NAV3: variants seen among roughly 807,000 people sequenced by gnomAD.
The protein encoded by NAV3 is neuron navigator 3.
Under a neutral mutation model 244.7 loss-of-function variants are expected in NAV3, and 87 were observed. The observed-to-expected ratio is 0.36, with a 90% CI of 0.30 to 0.42. The LOEUF (loss-of-function observed/expected upper bound fraction) is 0.42. NAV3 is among the 20% of genes least tolerant of loss of function. The probability of loss-of-function intolerance (pLI) is 1.00; values close to 1 mark genes in which losing one functional copy is unlikely to be tolerated. For synonymous variants in NAV3, 1,126 were observed against 1,042.2 expected, an observed-to-expected ratio of 1.08 and a Z score of -1.55; for missense variants, 2,663 against 2,893.3, an observed-to-expected ratio of 0.92 and a Z score of 1.83.
intron 12 of NAV3, among the ~76,000 whole-genome samples, chr12:78,095,219 A>C (rs1726005): frequency 0.33 from 49,760 of 151,516 alleles, 8,316 homozygotes; most frequent in African/African-American, 0.39. Context: ...CAGCACAGTG[A>C]ATAAAACCTC....
At chr12:78,098,591 A>G (rs443544) in intron 12 of NAV3, among the ~76,000 whole-genome samples, 29,992 of 151,852 alleles carry the variant, frequency 0.2, 3,085 homozygotes, top group Middle Eastern at 0.25. Context: ...TTTTCTGGGC[A>G]AAAATATTAC....
At chr12:77,784,102 G>T (rs1870795758) in intron 2 of NAV3, among the ~76,000 whole-genome samples, 1 of 152,066 alleles carries the variant, frequency 6.6e-6, no homozygotes, top group Non-Finnish European at 1.5e-5. Context: ...GAGACTTTCT[G>T]AGGAACAAAT....
intron 23 of NAV3, among the ~76,000 whole-genome samples, chr12:78,164,724 G>A (rs1957706697): frequency 6.6e-6 from 1 of 152,028 alleles, no homozygotes. Flanking sequence ...TCAGATGCAT[G>A]GTGGAGTGGG....
chr12:77,732,006 G>A (rs921908487), intron 2 of NAV3, among the ~76,000 whole-genome samples: 1 of 151,674 alleles, frequency 6.6e-6, no homozygotes, highest in East Asian at 1.9e-4. Flanking sequence ...AGAACGAGTC[G>A]GTAGAAAGGA....
At chr12:78,184,486 A>G (rs982001720) in intron 30 of NAV3, among the ~76,000 whole-genome samples, 9 of 151,896 alleles carry the variant, frequency 5.9e-5, no homozygotes, top group African/African-American at 2.2e-4. Flanking sequence ...GCAGGAGATT[A>G]TCTTTGATGA....
rs765945791 is a variant in NAV3, at chr12:78,050,826, A to G, written c.2195A>G (p.Asn732Ser). The change falls in exon 11 of 40, where the codon AAC becomes AGC. Residue 732 changes from asparagine (N) to serine (S), a missense_variant. This residue lies in a region of NAV3 where 1,521 missense variants were observed against 1,497.0 expected (regional missense o/e 1.02). Coordinates refer to ENST00000397909, the MANE Select transcript of NAV3 (RefSeq NM_001024383.2). ...TTEVNGRTIP[N>S]LTSRPTPMTW... is the part of the protein sequence containing the mutation. Reference sequence around the variant, plus strand: ...GAAGTTAATGGAAGGACCATACCCAACTTGACAAGTCGACCCACCCCCATG... The same window carrying G: ...GAAGTTAATGGAAGGACCATACCCAGCTTGACAAGTCGACCCACCCCCATG... The G allele has an allele frequency of 3.7e-6, 6 of 1,613,736 alleles. No homozygotes were observed. Among genetic ancestry groups the G allele is most frequent in the Non-Finnish European group, 4.2e-6 (5 of 1,179,762 alleles).
intron 2 of NAV3, among the ~76,000 whole-genome samples, chr12:77,653,878 G>A (rs1872941843): frequency 6.6e-6 from 1 of 152,018 alleles, no homozygotes; most frequent in African/African-American, 2.4e-5. Flanking sequence ...ATGCATATAT[G>A]TGGGACAAGT....
chr12:77,770,181 G>A (rs146326377), intron 2 of NAV3, among the ~76,000 whole-genome samples: 118 of 152,200 alleles, frequency 7.8e-4, no homozygotes, highest in Non-Finnish European at 1.5e-3. Context: ...AATCCTAGGG[G>A]GAGTTGTTCT....
intron 1 of NAV3, among the ~76,000 whole-genome samples, chr12:77,837,997 C>T (rs1874968851): frequency 6.6e-6 from 1 of 152,200 alleles, no homozygotes; most frequent in Non-Finnish European, 1.5e-5. Flanking sequence ...TGTCAATGCT[C>T]CTGTTGGCTT....
intron 12 of NAV3, among the ~76,000 whole-genome samples, chr12:78,080,069 A>G (rs1953268933): frequency 6.6e-6 from 1 of 152,202 alleles, no homozygotes; most frequent in African/African-American, 2.4e-5. Context: ...CATTTTGTTG[A>G]CAATAAAATC....
At chr12:77,695,820 T>G (rs958138684) in intron 2 of NAV3, among the ~76,000 whole-genome samples, 4 of 152,034 alleles carry the variant, frequency 2.6e-5, no homozygotes, top group Non-Finnish European at 1.5e-5. Context: ...GGAGAACTTT[T>G]AAAAAATCCT....
intron 9 of NAV3, among the ~76,000 whole-genome samples, chr12:78,046,588 C>T (rs1881834924): frequency 6.6e-6 from 1 of 152,202 alleles, no homozygotes; most frequent in Admixed American, 6.5e-5. Flanking sequence ...GCACTCTGGT[C>T]TGAGAGACTA....
chr12:77,739,084 G>T (rs1455097868), intron 2 of NAV3, among the ~76,000 whole-genome samples: 2 of 146,120 alleles, frequency 1.4e-5, no homozygotes, highest in Non-Finnish European at 3.0e-5. Flanking sequence ...CCTGGCTCTA[G>T]CCCTAACTAG....
At chr12:78,088,236 T>C (rs904857178) in intron 12 of NAV3, among the ~76,000 whole-genome samples, 3 of 151,968 alleles carry the variant, frequency 2.0e-5, no homozygotes, top group Non-Finnish European at 4.4e-5. Context: ...TAGTTGATTG[T>C]TCTGAAATGC....
At chr12:77,628,158 T>TC (rs1871721016) in intron 2 of NAV3, among the ~76,000 whole-genome samples, 1 of 152,168 alleles carries the variant, frequency 6.6e-6, no homozygotes, top group Non-Finnish European at 1.5e-5. Flanking sequence ...CTTACAATGT[T>TC]CCCAACACAA....
chr12:77,955,781 G>A lies in NAV3; in HGVS notation c.415-10448G>A, dbSNP rs1177845611. 5.8e-4 allele frequency among the ~76,000 whole-genome samples: 88 copies of A among 152,222 alleles called. 1 individual carries two copies. The highest frequency in any genetic ancestry group is 8.8e-5 in the Non-Finnish European group (6 of 68,012). ...GTTACCCAGGAGGCTGAGGCAGGAG[G>A]ATCGTTTGAGCCCAGGAGGTGGAGG... On this transcript the variant is annotated intron_variant, in intron 3 of 39. Coordinates refer to ENST00000397909, the MANE Select transcript of NAV3 (RefSeq NM_001024383.2).
intron 11 of NAV3, among the ~76,000 whole-genome samples, chr12:78,055,838 A>T (rs1182665252): frequency 6.6e-6 from 1 of 152,154 alleles, no homozygotes; most frequent in African/African-American, 2.4e-5. Context: ...CCAGGAGGAG[A>T]GGGAAATTGG....
intron 3 of NAV3, among the ~76,000 whole-genome samples, chr12:77,962,306 C>T (rs183324963): frequency 7.2e-5 from 11 of 152,254 alleles, no homozygotes; most frequent in Admixed American, 2.6e-4. Flanking sequence ...CCCAACCTCT[C>T]AATTGAACTC....
intron 5 of NAV3, among the ~76,000 whole-genome samples, chr12:77,985,817 T>C (rs1870406452): frequency 6.6e-6 from 1 of 152,182 alleles, no homozygotes; most frequent in Non-Finnish European, 1.5e-5. Flanking sequence ...CAGGCCTATA[T>C]AAAATCCTGC....
Sources: gnomAD v4.1 joint callset for allele counts (sites outside exome capture counted in the v4.1 genomes callset) on GRCh38, gnomAD v4.1.1 for gene constraint, gnomAD v4.1.1 regional missense constraint, MANE v1.5 for transcripts, NCBI Gene and HGNC (gene_info 2026-07-23, HGNC 2026-07-21) for gene names.